ABCC4: variants seen among roughly 807,000 people sequenced by gnomAD.
ABCC4 encodes the protein ATP binding cassette subfamily C member 4 (PEL blood group), also known as ATP-binding cassette sub-family C member 4.
ABCC4 carries 102 observed loss-of-function variants against 168.5 expected under a neutral mutation model. The ratio of observed to expected loss-of-function variants is 0.61; its 90% CI spans 0.52 to 0.71. ABCC4 has a LOEUF of 0.71. Among genes scored for constraint, ABCC4 ranks in the 30% least tolerant of loss-of-function variants. The pLI is 0.00. For synonymous variants in ABCC4, 617 were observed against 590.7 expected (o/e 1.04, Z -0.65); for missense variants, 1,402 against 1,605.8 (o/e 0.87, Z 2.17).
intron 20 of ABCC4, among the ~76,000 whole-genome samples, chr13:95,101,697 T>C (rs1165438215): frequency 1.3e-5 from 2 of 152,214 alleles, no homozygotes; most frequent in Non-Finnish European, 2.9e-5. Flanking sequence ...TAGTGCTCAC[T>C]GGTTTATTCT....
intron 27 of ABCC4, among the ~76,000 whole-genome samples, chr13:95,044,788 C>T (rs1216556249): frequency 1.3e-5 from 2 of 152,120 alleles, no homozygotes; most frequent in East Asian, 3.9e-4. Context: ...AGGTAAAATA[C>T]AGAAAGATAA....
At chr13:95,133,559 G>T (rs1594155572) in intron 19 of ABCC4, among the ~76,000 whole-genome samples, 1 of 152,180 alleles carries the variant, frequency 6.6e-6, no homozygotes, top group African/African-American at 2.4e-5. Flanking sequence ...GGGTCACAGA[G>T]GAGGTACCTG....
chr13:95,136,265 T>C (rs1376376575), intron 19 of ABCC4, among the ~76,000 whole-genome samples: 1 of 152,000 alleles, frequency 6.6e-6, no homozygotes, highest in Non-Finnish European at 1.5e-5. Context: ...CTCCGTCTTC[T>C]GGGCTTAGCC....
At chr13:95,109,768 T>C (rs2035139684) in intron 20 of ABCC4, among the ~76,000 whole-genome samples, 1 of 152,192 alleles carries the variant, frequency 6.6e-6, no homozygotes, top group South Asian at 2.1e-4. Context: ...TCACACAGCA[T>C]GGTAACTGCT....
chr13:95,182,085 G>C (rs183199393), intron 11 of ABCC4, among the ~76,000 whole-genome samples: 3 of 152,040 alleles, frequency 2.0e-5, no homozygotes, highest in African/African-American at 7.2e-5. Context: ...CCACCACGCC[G>C]GGCCCTCAGC....
At chr13:95,164,040 C>CA (rs764381643) in intron 16 of ABCC4, among the ~76,000 whole-genome samples, 4,067 of 74,346 alleles carry the variant, frequency 0.055, 268 homozygotes, top group African/African-American at 0.14. Context: ...AACTCCATCT[C>CA]AAAAAAAAAA....
intron 4 of ABCC4, among the ~76,000 whole-genome samples, chr13:95,222,602 G>C (rs533156464): frequency 6.6e-6 from 1 of 152,190 alleles, no homozygotes; most frequent in African/African-American, 2.4e-5. Context: ...TTAACAGAGA[G>C]CTGGTGCTGA....
chr13:95,248,303 G>A (rs944247483), intron 1 of ABCC4, among the ~76,000 whole-genome samples: 3 of 152,122 alleles, frequency 2.0e-5, no homozygotes, highest in Admixed American at 1.3e-4. Context: ...AATGGGGTAA[G>A]AAGGAAAAAC....
intron 9 of ABCC4, among the ~76,000 whole-genome samples, chr13:95,189,165 G>C (rs1197592744): frequency 1.8e-5 from 2 of 109,174 alleles, no homozygotes; most frequent in Non-Finnish European, 1.7e-5. Context: ...ACGGAGTCTC[G>C]TTCTGTCGCC....
intron 1 of ABCC4, among the ~76,000 whole-genome samples, chr13:95,265,501 T>A (rs1401285308): frequency 6.6e-6 from 1 of 152,114 alleles, no homozygotes; most frequent in Non-Finnish European, 1.5e-5. Flanking sequence ...CCAGGTACAG[T>A]GGCTCATGCC....
intron 26 of ABCC4, among the ~76,000 whole-genome samples, chr13:95,059,686 C>T (rs994099636): frequency 6.6e-6 from 1 of 151,844 alleles, no homozygotes; most frequent in Non-Finnish European, 1.5e-5. Flanking sequence ...TTTACATAAA[C>T]AATTTGGTTA....
chr13:95,059,994 T>C (rs2033223221), intron 26 of ABCC4, among the ~76,000 whole-genome samples: 1 of 152,182 alleles, frequency 6.6e-6, no homozygotes, highest in Admixed American at 6.5e-5. Context: ...AGTGCTGGAA[T>C]AAAAATGTGG....
chr13:95,186,545 G>A (rs376358929), intron 11 of ABCC4, among the ~76,000 whole-genome samples, 156 bp downstream of exon 11: 58 of 152,238 alleles, frequency 3.8e-4, no homozygotes, highest in South Asian at 1.9e-3. Flanking sequence ...AGGACAGAGC[G>A]TGTGTGTGTT....
chr13:95,188,513 A>G lies in ABCC4; in HGVS notation c.1293T>C (p.Leu431=), dbSNP rs1415670161. The G allele has an allele frequency of 3.7e-6, 6 of 1,614,100 alleles. No individual in the cohort carries two copies. Among genetic ancestry groups the G allele is most frequent in the Non-Finnish European group, 5.1e-6 (6 of 1,179,972 alleles). The change falls in exon 10 of 31, where the codon CTT becomes CTC. Residue 431 remains leucine (L), a synonymous_variant. Transcript: ENST00000645237. ...ATTCGCCAGGTCTGACAGTAAAGGA[A>G]AGGCCTTGTAGAGTTGGGGTCTCTG... is the stretch of plus-strand genomic sequence containing the variant. ...KASETPTLQG[L]SFTVRPGELL...
chr13:95,184,247 C>T (rs1298405161), intron 11 of ABCC4, among the ~76,000 whole-genome samples: 1 of 152,210 alleles, frequency 6.6e-6, no homozygotes, highest in African/African-American at 2.4e-5. Context: ...CCCCCAGAGA[C>T]TTTCTGATGT....
Position 95,194,720 on chromosome 13 carries a change from T to C in ABCC4, c.1263+116A>G, listed in dbSNP as rs4148480. Reference sequence around the variant, plus strand: ...AATTTTGAGAATCTTTGTAACATAGTTTCAGTAAATAAGCAAGCCATATTT... The same window carrying C: ...AATTTTGAGAATCTTTGTAACATAGCTTCAGTAAATAAGCAAGCCATATTT... On this transcript the variant is annotated intron_variant, in intron 9 of 30. Coordinates refer to ENST00000645237, the MANE Select transcript of ABCC4 (RefSeq NM_005845.5). 5.5e-4 allele frequency: 398 copies of C among 727,864 alleles called. 4 individuals are homozygous for C. The East Asian group carries it at 0.011, about 21-fold the overall frequency. The allele number at this position is 727,864 out of a possible 1,614,324, so 45.1% of individuals were successfully genotyped here. A position where few individuals can be genotyped will look rare whatever the true frequency, so the allele number is the denominator to read the frequency against.
chr13:95,117,588 T>G (rs1233552084), intron 19 of ABCC4, among the ~76,000 whole-genome samples: 1 of 152,216 alleles, frequency 6.6e-6, no homozygotes, highest in Non-Finnish European at 1.5e-5. Flanking sequence ...GGATTTTGTT[T>G]GTCGTCCTTC....
At chr13:95,286,526 C>CTTTCT (rs112451483) in intron 1 of ABCC4, among the ~76,000 whole-genome samples, 46,492 of 151,482 alleles carry the variant, frequency 0.31, 7,537 homozygotes, top group East Asian at 0.5. Context: ...CCTTTGTGGC[C>CTTTCT]TTTGTTTTTT....
chr13:95,180,124 G>A (rs999274311), intron 11 of ABCC4, among the ~76,000 whole-genome samples: 1 of 152,150 alleles, frequency 6.6e-6, no homozygotes, highest in Admixed American at 6.5e-5. Context: ...ACACACAGGA[G>A]TCCCCTAATA....
Sources: gnomAD v4.1 joint callset for allele counts (sites outside exome capture counted in the v4.1 genomes callset) on GRCh38, gnomAD v4.1.1 for gene constraint, MANE v1.5 for transcripts, NCBI Gene and HGNC (gene_info 2026-07-23, HGNC 2026-07-21) for gene names.